The following SLC17A1 variants were observed in gnomAD, a reference collection of about 807,000 sequenced individuals.
The protein encoded by SLC17A1 is sodium-dependent phosphate transport protein 1.
SLC17A1 carries 51 observed loss-of-function variants against 53.5 expected under a neutral mutation model. The observed-to-expected ratio is 0.95, with a 90% confidence interval of 0.76 to 1.20. The LOEUF is 1.20. SLC17A1 is among the 50% of genes most tolerant of loss of function. The pLI is 0.00. For missense variants in SLC17A1, 538 were observed against 568.2 expected (o/e 0.95, Z 0.54); for synonymous variants, 179 against 198.8 (o/e 0.90, Z 0.84).
At chr6:25,773,529 G>T in the SLC17A1 span, 1 of 1,613,866 alleles carries the variant, frequency 6.2e-7, no homozygotes, top group Admixed American at 1.7e-5. Context: ...TCACCAGGCT[G>T]GTCTCTTCCC....
chr6:25,759,325 G>T, the SLC17A1 span, among the ~76,000 whole-genome samples: 1,255 of 152,082 alleles, frequency 8.3e-3, 12 homozygotes, highest in African/African-American at 0.02. Flanking sequence ...TTTGTTCTAG[G>T]GTATAGTTTA....
intron 9 of SLC17A1, 27 bp from the exon 10 acceptor site, chr6:25,811,572 C>T: frequency 6.2e-7 from 1 of 1,613,482 alleles, no homozygotes; most frequent in Non-Finnish European, 8.5e-7. Context: ...ACAACATAGT[C>T]AGGTGCATCC....
the SLC17A1 span, among the ~76,000 whole-genome samples, chr6:25,749,857 T>C: frequency 6.6e-6 from 1 of 152,256 alleles, no homozygotes; most frequent in Admixed American, 6.5e-5. Context: ...TATTCTCTCT[T>C]TTCTGTGCCA....
At chr6:25,766,902 T>C in the SLC17A1 span, among the ~76,000 whole-genome samples, 3 of 152,192 alleles carry the variant, frequency 2.0e-5, no homozygotes, top group Non-Finnish European at 4.4e-5. Context: ...TGGCTCCCTA[T>C]ATGGGATTCT....
At chr6:25,774,882 T>C in the SLC17A1 span, among the ~76,000 whole-genome samples, 1 of 152,224 alleles carries the variant, frequency 6.6e-6, no homozygotes, top group African/African-American at 2.4e-5. Flanking sequence ...ATCTGTAAAA[T>C]GAACTACTTG....
chr6:25,730,206 C>T, the SLC17A1 span, among the ~76,000 whole-genome samples: 3 of 152,156 alleles, frequency 2.0e-5, no homozygotes, highest in African/African-American at 7.2e-5. Context: ...GATATCTGTA[C>T]TCCCATGTTC....
At chr6:25,768,539 C>T in the SLC17A1 span, 1,615 of 346,322 alleles carry the variant, frequency 4.7e-3, 27 homozygotes, top group African/African-American at 0.03. Context: ...ACAAGCTAAT[C>T]TTCCATGTTT....
At chr6:25,802,343 A>G (rs1226573836) in intron 10 of SLC17A1, among the ~76,000 whole-genome samples, 1 of 152,228 alleles carries the variant, frequency 6.6e-6, no homozygotes, top group South Asian at 2.1e-4. Context: ...TTTAATTTAC[A>G]TATATTCTAT....
At chr6:25,726,183 C>T in the SLC17A1 span, 5 of 1,592,464 alleles carry the variant, frequency 3.1e-6, no homozygotes, top group Non-Finnish European at 2.6e-6. Flanking sequence ...TGGGCAGCAG[C>T]ACTGCCTGAA....
chr6:25,762,859 G>A, the SLC17A1 span, among the ~76,000 whole-genome samples: 2 of 152,122 alleles, frequency 1.3e-5, no homozygotes. Flanking sequence ...CTGTTTCTAA[G>A]GATTTCAGAG....
the SLC17A1 span, chr6:25,777,770 A>G: frequency 1.6e-6 from 1 of 614,890 alleles, no homozygotes. Context: ...GGCTTACACA[A>G]TTCCAGTCAT....
chr6:25,796,608 A>T (rs76684009), intron 12 of SLC17A1, among the ~76,000 whole-genome samples: 1 of 152,080 alleles, frequency 6.6e-6, no homozygotes, highest in Non-Finnish European at 1.5e-5. Context: ...CCTATTTTTT[A>T]AAAAAATTTT....
At chr6:25,819,987 G>A (rs1046161457) in intron 3 of SLC17A1, 72 bp from the exon 4 acceptor site, 7 of 1,059,330 alleles carry the variant, frequency 6.6e-6, no homozygotes, top group African/African-American at 4.8e-5. Flanking sequence ...AGGGATTCAG[G>A]GAAACTGTTC....
At chr6:25,732,286 G>A in the SLC17A1 span, among the ~76,000 whole-genome samples, 1 of 152,224 alleles carries the variant, frequency 6.6e-6, no homozygotes, top group Non-Finnish European at 1.5e-5. Context: ...ATAATAGGTA[G>A]AGTATGTAAA....
the SLC17A1 span, among the ~76,000 whole-genome samples, chr6:25,756,581 ACTGTC>A: frequency 6.6e-6 from 1 of 152,180 alleles, no homozygotes; most frequent in African/African-American, 2.4e-5. Context: ...CCACAACAGC[ACTGTC>A]CTCCCTTCAC....
At chr6:25,743,571 G>C in the SLC17A1 span, among the ~76,000 whole-genome samples, 1 of 152,186 alleles carries the variant, frequency 6.6e-6, no homozygotes, top group Non-Finnish European at 1.5e-5. Context: ...TCAATTACTA[G>C]AGTAGATGCA....
the SLC17A1 span, among the ~76,000 whole-genome samples, chr6:25,751,904 G>T: frequency 6.6e-6 from 1 of 152,090 alleles, no homozygotes; most frequent in African/African-American, 2.4e-5. Flanking sequence ...TGCATCAATG[G>T]CCAGAAATGT....
intron 3 of SLC17A1, among the ~76,000 whole-genome samples, chr6:25,820,377 T>C (rs1236020668): frequency 6.6e-6 from 1 of 152,150 alleles, no homozygotes; most frequent in Non-Finnish European, 1.5e-5. Context: ...CATATACATA[T>C]TGCTCCCAGA....
rs1438111998 is a variant in SLC17A1 at position 25,805,629 on chromosome 6, C to A, written c.1179-4649G>T. On this transcript the variant is annotated intron_variant, in intron 10 of 12. Transcript: ENST00000244527. ...TAAATTAGATGATTAGCTAGATTAA[C>A]CAAAAAAAGAGGAGAGAAGATTCAA... 3.3e-5 allele frequency among the ~76,000 whole-genome samples: 5 copies of A among 151,326 alleles called. No homozygotes were observed. The East Asian group carries it at 5.8e-4, about 18-fold the overall frequency.
Sources: gnomAD v4.1 joint callset for allele counts (sites outside exome capture counted in the v4.1 genomes callset) on GRCh38, gnomAD v4.1.1 for gene constraint, MANE v1.5 for transcripts, NCBI Gene and HGNC (gene_info 2026-07-23, HGNC 2026-07-21) for gene names.